Variants in SV2C observed in about 807,000 individuals in gnomAD.
SV2C encodes synaptic vesicle glycoprotein 2C, also known as solute carrier family 22 member B3.
In SV2C, 49 loss-of-function variants were observed where a neutral mutation model predicts 79.7. The observed-to-expected ratio is 0.61, with a 90% CI of 0.49 to 0.78. The LOEUF is 0.78. Ranked by LOEUF, SV2C falls within the 30% of genes least tolerant of loss-of-function variation. The pLI is 0.00. For synonymous variants in SV2C, 334 were observed against 333.2 expected, an observed-to-expected ratio of 1.00 and a Z score of -0.03; for missense variants, 833 against 912.9, an observed-to-expected ratio of 0.91 and a Z score of 1.13.
chr5:76,290,225 C>T (rs547398185), intron 6 of SV2C, among the ~76,000 whole-genome samples: 35 of 152,280 alleles, frequency 2.3e-4, no homozygotes, highest in African/African-American at 8.2e-4. Context: ...TCTTTGTTTA[C>T]CTGGCCAGAA....
chr5:76,258,307 A>G (rs761505945), intron 4 of SV2C, among the ~76,000 whole-genome samples: 1 of 152,076 alleles, frequency 6.6e-6, no homozygotes, highest in South Asian at 2.1e-4. Context: ...AATTCTAGAC[A>G]GAAGGACATG....
Position 76,223,478 on chromosome 5 carries a change from T to TATATAC in SV2C, c.913+13596_913+13597insCATATA, listed in dbSNP as rs1745142228. Among the ~76,000 whole-genome samples the TATATAC allele has an allele frequency of 4.5e-5, 3 of 67,182 alleles. No homozygotes were observed. The East Asian group carries it at 9.1e-4, about 20-fold the overall frequency. 44.1% of individuals were successfully genotyped at this position (67,182 alleles called of 152,430 possible). A position where few individuals can be genotyped will look rare whatever the true frequency, so the allele number is the denominator to read the frequency against. On this transcript the variant is annotated intron_variant, in intron 4 of 12. Coordinates refer to ENST00000502798, the MANE Select transcript of SV2C (RefSeq NM_014979.4). ...ATATATATATATATATATATATATA[T>TATATAC]ATATATATATATATATATGTATATG...
the SV2C span, among the ~76,000 whole-genome samples, chr5:76,076,953 G>A: frequency 0.012 from 1,787 of 152,170 alleles, 39 homozygotes; most frequent in African/African-American, 0.041. Flanking sequence ...TCCCCCTCAC[G>A]TTAAAAAGGC....
At chr5:76,345,703 G>A (rs1749524716) in intron 12 of SV2C, among the ~76,000 whole-genome samples, 2 of 152,328 alleles carry the variant, frequency 1.3e-5, no homozygotes, top group South Asian at 4.1e-4. Context: ...ATATGAGCCA[G>A]GCACTGTTCT....
the SV2C span, among the ~76,000 whole-genome samples, chr5:75,857,131 G>A: frequency 2.9e-3 from 443 of 151,830 alleles, 9 homozygotes; most frequent in East Asian, 0.038. Context: ...CTAATTTTTT[G>A]TATTTTTAGT....
At chr5:76,339,888 C>A (rs1252014604) in intron 12 of SV2C, among the ~76,000 whole-genome samples, 1 of 152,096 alleles carries the variant, frequency 6.6e-6, no homozygotes, top group East Asian at 1.9e-4. Context: ...GAGGCTGAGA[C>A]CTATTGGGCT....
chr5:75,877,344 A>G, the SV2C span, among the ~76,000 whole-genome samples: 6 of 152,194 alleles, frequency 3.9e-5, no homozygotes, highest in East Asian at 1.2e-3. Flanking sequence ...GGAAACTTCA[A>G]TATCCATTTT....
chr5:75,982,155 C>T, the SV2C span, among the ~76,000 whole-genome samples: 1 of 150,452 alleles, frequency 6.6e-6, no homozygotes, highest in Non-Finnish European at 1.5e-5. Flanking sequence ...GGGTGCAGCG[C>T]ACCAGCATGG....
the SV2C span, chr5:75,911,155 G>A: frequency 1.9e-6 from 3 of 1,589,116 alleles, no homozygotes; most frequent in South Asian, 1.1e-5. Context: ...AGGATCTGAA[G>A]CAAGCTCCTC....
At chr5:75,955,892 A>G in the SV2C span, among the ~76,000 whole-genome samples, 1 of 152,108 alleles carries the variant, frequency 6.6e-6, no homozygotes, top group African/African-American at 2.4e-5. Context: ...AAAGTCAGGA[A>G]ACAACAGGTG....
In SV2C at chr5:76,224,165, T is replaced by C. The variant is rs141979012; in HGVS notation, c.913+14278T>C. 3.9e-3 allele frequency among the ~76,000 whole-genome samples: 599 copies of C among 152,270 alleles called. 5 individuals carry two copies. Among genetic ancestry groups the C allele is most frequent in the African/African-American group, 0.013 (559 of 41,560 alleles). ...CTAGCTACTAGAAGGGCTCCACCCT[T>C]TGAAGGCACTGGGATTTTTTGGGGG... On this transcript the variant is annotated intron_variant, in intron 4 of 12. Coordinates refer to ENST00000502798, the MANE Select transcript of SV2C (RefSeq NM_014979.4).
At chr5:75,865,187 A>G in the SV2C span, among the ~76,000 whole-genome samples, 1 of 152,226 alleles carries the variant, frequency 6.6e-6, no homozygotes, top group African/African-American at 2.4e-5. Context: ...TGCCTGTTAT[A>G]AGCTGGGTCT....
At chr5:75,861,427 A>G in the SV2C span, among the ~76,000 whole-genome samples, 1 of 152,228 alleles carries the variant, frequency 6.6e-6, no homozygotes, top group African/African-American at 2.4e-5. Flanking sequence ...TTTTTCAAAG[A>G]ACTTAAAACA....
chr5:75,911,382 G>A, the SV2C span: 2 of 1,189,466 alleles, frequency 1.7e-6, no homozygotes, highest in Non-Finnish European at 2.5e-6. Flanking sequence ...AACCAAAGAA[G>A]AGAACCTATA....
In SV2C at chr5:76,329,881, T is replaced by C. The variant is rs1300554634; in HGVS notation, c.*4334T>C. Reference sequence around the variant, plus strand: ...TTGGTGTTAAGGGGCATATCGGCTGTATGTTAGGTTTTCTTTAATCCTCAC... The same window carrying C: ...TTGGTGTTAAGGGGCATATCGGCTGCATGTTAGGTTTTCTTTAATCCTCAC... On this transcript the variant is annotated 3_prime_UTR_variant, in exon 13 of 13. Transcript: ENST00000502798. The C allele has an allele frequency of 7.9e-5, 12 of 152,118 alleles. No homozygotes were observed. The highest frequency in any genetic ancestry group is 1.6e-4 in the Non-Finnish European group (11 of 68,024). The allele number at this position is 152,118 out of a possible 1,614,324, so 9.4% of individuals were successfully genotyped here.
At chr5:75,953,783 C>G in the SV2C span, among the ~76,000 whole-genome samples, 1 of 151,930 alleles carries the variant, frequency 6.6e-6, no homozygotes, top group Admixed American at 6.6e-5. Flanking sequence ...TCCTCTTTTT[C>G]ATGAAATTAA....
chr5:75,920,991 C>G, the SV2C span: 7 of 706,096 alleles, frequency 9.9e-6, no homozygotes, highest in Non-Finnish European at 1.8e-5. Flanking sequence ...GCTGTGTGCT[C>G]CCCGTGCGAG....
At chr5:75,962,365 G>A in the SV2C span, among the ~76,000 whole-genome samples, 11 of 151,932 alleles carry the variant, frequency 7.2e-5, no homozygotes, top group Non-Finnish European at 1.2e-4. Context: ...AGAGTTCCTC[G>A]TACATGAAAA....
At chr5:75,851,535 T>G in the SV2C span, among the ~76,000 whole-genome samples, 1 of 152,244 alleles carries the variant, frequency 6.6e-6, no homozygotes, top group Non-Finnish European at 1.5e-5. Context: ...CCATGGGATT[T>G]TTGAAGAGTG....
Sources: gnomAD v4.1 joint callset for allele counts (sites outside exome capture counted in the v4.1 genomes callset) on GRCh38, gnomAD v4.1.1 for gene constraint, MANE v1.5 for transcripts, NCBI Gene and HGNC (gene_info 2026-07-23, HGNC 2026-07-21) for gene names.